Variants in C12orf42 observed in about 807,000 individuals in gnomAD.
The protein encoded by C12orf42 is uncharacterized protein C12orf42.
Under a neutral mutation model 21.6 loss-of-function variants are expected in C12orf42, and 25 were observed. That is an observed-to-expected ratio of 1.16 (90% CI 0.84 to 1.62). The LOEUF (loss-of-function observed/expected upper bound fraction) is 1.62, where lower values mean the gene tolerates loss of function less well. C12orf42 is among the 40% of genes most tolerant of loss of function. The probability of loss-of-function intolerance (pLI) is 0.00; values close to 1 mark genes in which losing one functional copy is unlikely to be tolerated. For synonymous variants in C12orf42, 174 were observed against 175.0 expected, an observed-to-expected ratio of 0.99 and a Z score of 0.05; for missense variants, 483 against 459.3, an observed-to-expected ratio of 1.05 and a Z score of -0.47.
intron 2 of C12orf42, among the ~76,000 whole-genome samples, chr12:103,442,822 G>T (rs912478766): frequency 2.0e-5 from 3 of 151,938 alleles, no homozygotes; most frequent in African/African-American, 7.3e-5. Context: ...GTATTAAAGA[G>T]TAAAAAAAAT....
chr12:103,194,584 T>C, the C12orf42 span, among the ~76,000 whole-genome samples: 2 of 151,908 alleles, frequency 1.3e-5, no homozygotes, highest in Non-Finnish European at 1.5e-5. Flanking sequence ...TCAAAAATAA[T>C]AGAATACTTA....
chr12:103,227,531 G>A, the C12orf42 span, among the ~76,000 whole-genome samples: 1 of 152,084 alleles, frequency 6.6e-6, no homozygotes, highest in Admixed American at 6.5e-5. Flanking sequence ...AGAAAAGTGG[G>A]ACTTGCCGCT....
the C12orf42 span, chr12:103,505,450 G>A: frequency 2.7e-6 from 1 of 372,908 alleles, no homozygotes; most frequent in Non-Finnish European, 5.0e-6. Flanking sequence ...AGTCACAGGA[G>A]AAATGAACAC....
intron 2 of C12orf42, among the ~76,000 whole-genome samples, chr12:103,406,723 T>C (rs187864793): frequency 1.3e-5 from 2 of 152,156 alleles, no homozygotes; most frequent in East Asian, 3.9e-4. Flanking sequence ...AATGGATGCA[T>C]AAGGTACCAG....
At chr12:103,418,817 G>GT (rs1287185563) in intron 2 of C12orf42, among the ~76,000 whole-genome samples, 3 of 150,140 alleles carry the variant, frequency 2.0e-5, no homozygotes, top group Non-Finnish European at 4.4e-5. Flanking sequence ...TTTTCTGTAT[G>GT]TAACATTCCG....
At chr12:103,249,470 C>G (rs1565994068) in intron 10 of C12orf42, among the ~76,000 whole-genome samples, 1 of 151,938 alleles carries the variant, frequency 6.6e-6, no homozygotes, top group Non-Finnish European at 1.5e-5. Context: ...AAGGAAGAAA[C>G]TAAAATAATT....
the C12orf42 span, among the ~76,000 whole-genome samples, chr12:103,183,963 G>C: frequency 1.3e-5 from 2 of 152,090 alleles, no homozygotes; most frequent in African/African-American, 4.8e-5. Context: ...ATTTGTTGAA[G>C]TTTGTCTTAT....
At chr12:103,267,321 C>T (rs186741817), downstream of C12orf42, among the ~76,000 whole-genome samples, 14 of 152,136 alleles carry the variant, frequency 9.2e-5, no homozygotes, top group African/African-American at 2.4e-4. Context: ...CCTACATATC[C>T]GACAAATATT....
chr12:103,506,058 GCTGAT>G, the C12orf42 span: 1 of 221,446 alleles, frequency 4.5e-6, no homozygotes, highest in African/African-American at 2.4e-5. Flanking sequence ...TTTCCAAATG[GCTGAT>G]CTTTGCCACT....
At chr12:103,390,459 A>G (rs1255005982) in intron 3 of C12orf42, among the ~76,000 whole-genome samples, 1 of 152,126 alleles carries the variant, frequency 6.6e-6, no homozygotes, top group Admixed American at 6.5e-5. Flanking sequence ...ACTCCCAATT[A>G]TTACTTTCTC....
intron 3 of C12orf42, among the ~76,000 whole-genome samples, chr12:103,390,770 G>C (rs986382798): frequency 1.3e-5 from 2 of 152,154 alleles, no homozygotes; most frequent in Non-Finnish European, 2.9e-5. Flanking sequence ...AAGCGCAAGA[G>C]ATGACATCTT....
chr12:103,167,262 C>A, the C12orf42 span, among the ~76,000 whole-genome samples: 2 of 152,128 alleles, frequency 1.3e-5, no homozygotes, highest in African/African-American at 2.4e-5. Flanking sequence ...CCAAAGAGAA[C>A]CAAGTCTGGC....
chr12:103,462,574 A>G (rs1427581060), intron 2 of C12orf42, among the ~76,000 whole-genome samples: 3 of 152,212 alleles, frequency 2.0e-5, no homozygotes, highest in Non-Finnish European at 2.9e-5. Context: ...CACAAAATAT[A>G]TGTGTGCAAA....
At chr12:103,521,413 A>G in the C12orf42 span, among the ~76,000 whole-genome samples, 1 of 152,192 alleles carries the variant, frequency 6.6e-6, no homozygotes, top group Non-Finnish European at 1.5e-5. Flanking sequence ...CATTATCCTC[A>G]GCAAACTACC....
chr12:103,105,416 T>G, the C12orf42 span, among the ~76,000 whole-genome samples: 1 of 151,948 alleles, frequency 6.6e-6, no homozygotes, highest in Non-Finnish European at 1.5e-5. Context: ...AACCAAATAC[T>G]CCATGATCTC....
the C12orf42 span, among the ~76,000 whole-genome samples, chr12:103,082,831 C>T: frequency 2.0e-5 from 3 of 152,166 alleles, no homozygotes; most frequent in Non-Finnish European, 1.5e-5. Flanking sequence ...TGAATTTTGG[C>T]AGTATTTGGT....
the C12orf42 span, among the ~76,000 whole-genome samples, chr12:103,076,009 G>A: frequency 2.0e-5 from 3 of 152,098 alleles, no homozygotes; most frequent in Non-Finnish European, 1.5e-5. Context: ...GAAATGCTTT[G>A]AGACATCTAT....
At chr12:103,242,800 T>G (rs2033813690) in intron 10 of C12orf42, among the ~76,000 whole-genome samples, 1 of 152,162 alleles carries the variant, frequency 6.6e-6, no homozygotes, top group African/African-American at 2.4e-5. Context: ...TGCAAAAACA[T>G]ATTTTTAGTA....
intron 4 of C12orf42, among the ~76,000 whole-genome samples, chr12:103,343,042 C>T (rs1421631544): frequency 6.6e-6 from 1 of 152,030 alleles, no homozygotes; most frequent in Non-Finnish European, 1.5e-5. Context: ...AGCACAAATC[C>T]AAATGGAATA....
Sources: gnomAD v4.1 joint callset for allele counts (sites outside exome capture counted in the v4.1 genomes callset) on GRCh38, gnomAD v4.1.1 for gene constraint, MANE v1.5 for transcripts, NCBI Gene and HGNC (gene_info 2026-07-23, HGNC 2026-07-21) for gene names.